CNTN3: variants seen among roughly 807,000 people sequenced by gnomAD.
The protein encoded by CNTN3 is contactin-3.
CNTN3 carries 60 observed loss-of-function variants against 119.1 expected under a neutral mutation model. The observed-to-expected ratio is 0.50, with a 90% CI of 0.41 to 0.62. The LOEUF is 0.62. Among genes scored for constraint, CNTN3 ranks in the 20% least tolerant of loss-of-function variants. The pLI is 0.00. For synonymous variants in CNTN3, 450 were observed against 438.7 expected (o/e 1.03, Z -0.32); for missense variants, 1,101 against 1,242.4 (o/e 0.89, Z 1.71).
At chr3:74,281,443 T>G (rs1047077227) in intron 20 of CNTN3, among the ~76,000 whole-genome samples, 2 of 152,110 alleles carry the variant, frequency 1.3e-5, no homozygotes, top group Non-Finnish European at 2.9e-5. Context: ...CAAGGAATCC[T>G]CCCACCTCAG....
intron 1 of CNTN3, among the ~76,000 whole-genome samples, chr3:74,532,605 GGAGC>G (rs1703709229): frequency 6.6e-6 from 1 of 151,948 alleles, no homozygotes. Context: ...TCACAGGTGG[GGAGC>G]GTCCACAGCG....
At chr3:74,401,140 T>C (rs1705179683) in intron 5 of CNTN3, among the ~76,000 whole-genome samples, 1 of 151,536 alleles carries the variant, frequency 6.6e-6, no homozygotes, top group Admixed American at 6.6e-5. Context: ...CTGGCTACTA[T>C]GAAATAAACT....
intron 4 of CNTN3, among the ~76,000 whole-genome samples, chr3:74,482,662 A>G (rs1470996891): frequency 6.6e-6 from 1 of 152,144 alleles, no homozygotes; most frequent in Non-Finnish European, 1.5e-5. Flanking sequence ...CAAAGAAGTT[A>G]TGGCTAATCA....
chr3:74,597,299 T>C (rs1013188939), intron 1 of CNTN3, among the ~76,000 whole-genome samples: 1 of 152,068 alleles, frequency 6.6e-6, no homozygotes, highest in African/African-American at 2.4e-5. Flanking sequence ...CCTTTTCACA[T>C]GATTTAATGG....
At chr3:74,514,374 C>G (rs1009017405) in intron 2 of CNTN3, among the ~76,000 whole-genome samples, 1 of 152,098 alleles carries the variant, frequency 6.6e-6, no homozygotes, top group African/African-American at 2.4e-5. Flanking sequence ...TTTCACTGTA[C>G]ATTCTTCAAA....
intron 19 of CNTN3, among the ~76,000 whole-genome samples, chr3:74,288,384 C>T (rs1702159216): frequency 6.6e-6 from 1 of 152,002 alleles, no homozygotes; most frequent in South Asian, 2.1e-4. Flanking sequence ...GACTCGAACT[C>T]CTGACCTAAG....
At chr3:74,321,475 A>C (rs188093039) in intron 13 of CNTN3, among the ~76,000 whole-genome samples, 13 of 152,244 alleles carry the variant, frequency 8.5e-5, no homozygotes, top group Non-Finnish European at 1.6e-4. Context: ...AGCCAAAACC[A>C]ATAATCTAAG....
chr3:74,456,182 T>C (rs948949550), intron 4 of CNTN3, among the ~76,000 whole-genome samples: 2 of 151,996 alleles, frequency 1.3e-5, no homozygotes, highest in Non-Finnish European at 2.9e-5. Flanking sequence ...ATCCTCTTTA[T>C]TGTATAACTT....
intron 11 of CNTN3, among the ~76,000 whole-genome samples, chr3:74,350,150 C>T (rs955247899): frequency 2.0e-5 from 3 of 152,064 alleles, no homozygotes; most frequent in Admixed American, 6.6e-5. Flanking sequence ...GTGGAATTTA[C>T]TTAAGAAGGT....
chr3:74,376,891 G>A (rs1468714545), intron 5 of CNTN3, among the ~76,000 whole-genome samples: 1 of 150,404 alleles, frequency 6.6e-6, no homozygotes, highest in Non-Finnish European at 1.5e-5. Flanking sequence ...AAGTGCTTTG[G>A]CTAGAATTTT....
chr3:74,423,510 G>A lies in CNTN3; in HGVS notation c.454+1335C>T, dbSNP rs536058160. 9.9e-5 allele frequency among the ~76,000 whole-genome samples: 15 copies of A among 152,260 alleles called. 2 individuals are homozygous for A. The South Asian group carries it at 2.1e-3, about 21-fold the overall frequency. ...AGGCCATCCACTAACCCCACACCCCGTGGCGAGGCAGCACGTCCTTCTGGG... is the reference window on the plus strand; with the variant it reads ...AGGCCATCCACTAACCCCACACCCCATGGCGAGGCAGCACGTCCTTCTGGG... On this transcript the variant is annotated intron_variant, in intron 5 of 22. Transcript: ENST00000263665.
chr3:74,498,262 CTGGAAAAAAAT>C (rs1703100073), intron 3 of CNTN3, among the ~76,000 whole-genome samples: 1 of 151,654 alleles, frequency 6.6e-6, no homozygotes, highest in African/African-American at 2.4e-5. Flanking sequence ...TACAAAAATG[CTGGAAAAAAAT>C]ATTGTTAAGC....
intron 3 of CNTN3, among the ~76,000 whole-genome samples, chr3:74,498,811 G>A (rs922744648): frequency 2.0e-5 from 3 of 151,928 alleles, no homozygotes; most frequent in Non-Finnish European, 2.9e-5. Context: ...CATAGTAGAT[G>A]TTCACATTGC....
At position 74,436,089 on chromosome 3, in the gene CNTN3, C is replaced by T. The variant is rs1005792162; in HGVS notation, c.359-11149G>A. Among the ~76,000 whole-genome samples the T allele has an allele frequency of 4.6e-5, 7 of 152,198 alleles. No homozygotes were observed. The East Asian group carries it at 7.7e-4, about 17-fold the overall frequency. ...AGATGTGTATGCATATACATGTGTA[C>T]ATGAAGTTTATGCCTAGGTTCAGGG... is the stretch of plus-strand genomic sequence containing the variant. On this transcript the variant is annotated intron_variant, in intron 4 of 22. Transcript: ENST00000263665.
At chr3:74,597,521 T>C (rs1290343133) in intron 1 of CNTN3, among the ~76,000 whole-genome samples, 2 of 152,064 alleles carry the variant, frequency 1.3e-5, no homozygotes, top group Non-Finnish European at 2.9e-5. Flanking sequence ...ATTCATGATA[T>C]TGATCAGCAC....
intron 1 of CNTN3, among the ~76,000 whole-genome samples, chr3:74,531,596 T>G (rs1012944199): frequency 6.6e-6 from 1 of 151,768 alleles, no homozygotes; most frequent in Admixed American, 6.6e-5. Context: ...GAGAAATGAC[T>G]CGGGGAAAGC....
intron 4 of CNTN3, among the ~76,000 whole-genome samples, chr3:74,478,236 T>C (rs1395787764): frequency 6.6e-6 from 1 of 152,052 alleles, no homozygotes; most frequent in East Asian, 1.9e-4. Context: ...CTCAACGGCT[T>C]AGGACTGGGG....
intron 2 of CNTN3, among the ~76,000 whole-genome samples, chr3:74,512,691 G>GAAA (rs1703387567): frequency 3.3e-4 from 1 of 3,048 alleles, no homozygotes; most frequent in Non-Finnish European, 6.5e-4. Context: ...GCATAATCAA[G>GAAA]CAAAAAAAAA....
chr3:74,316,813 A>G (rs1702841287), intron 13 of CNTN3, among the ~76,000 whole-genome samples: 1 of 151,966 alleles, frequency 6.6e-6, no homozygotes, highest in Non-Finnish European at 1.5e-5. Context: ...CTGTAGTCCC[A>G]GCTACTCGGG....
Sources: allele counts gnomAD v4.1 joint callset (sites outside exome capture counted in the v4.1 genomes callset), GRCh38; gene constraint gnomAD v4.1.1; transcripts MANE v1.5; gene names NCBI Gene and HGNC (gene_info 2026-07-23, HGNC 2026-07-21).